The following ARHGDIB variants were observed in gnomAD, a reference collection of about 807,000 sequenced individuals.
The protein encoded by ARHGDIB is Rho GDP dissociation inhibitor beta.
In ARHGDIB, 20 loss-of-function variants were observed where a neutral mutation model predicts 22.6. That is an observed-to-expected ratio of 0.88 (90% confidence interval 0.62 to 1.28). The LOEUF (loss-of-function observed/expected upper bound fraction) is 1.28, where lower values mean the gene tolerates loss of function less well. Among genes scored for constraint, ARHGDIB ranks in the 50% most tolerant of loss-of-function variants. The pLI is 0.00. For missense variants in ARHGDIB, 254 were observed against 245.4 expected, an observed-to-expected ratio of 1.04 and a Z score of -0.23; for synonymous variants, 114 against 96.1, an observed-to-expected ratio of 1.19 and a Z score of -1.09.
At chr12:14,958,021 A>G (rs920909424) in intron 1 of ARHGDIB, among the ~76,000 whole-genome samples, 1 of 152,174 alleles carries the variant, frequency 6.6e-6, no homozygotes, top group Non-Finnish European at 1.5e-5. Context: ...GCTGACTAGG[A>G]TATGTCTGAC....
chr12:14,953,282 G>C (rs1864223569), intron 1 of ARHGDIB, among the ~76,000 whole-genome samples: 1 of 152,170 alleles, frequency 6.6e-6, no homozygotes, highest in Non-Finnish European at 1.5e-5. Flanking sequence ...TTTAATTATA[G>C]CATAAGAAAA....
rs112311437 is a variant in ARHGDIB at position 14,944,866 on chromosome 12, T to C, written c.343-27A>G. ...TGCAGGTGGGAAGGAACCAAGATGT[T>C]CAGATTAAGAGGGTCTTTCATTTTT... On this transcript the variant is annotated intron_variant, in intron 4 of 5. Transcript: ENST00000228945. The C allele has an allele frequency of 1.6e-3, 2,605 of 1,606,374 alleles. 46 individuals carry two copies. In the African/African-American group the frequency reaches 0.03, roughly 19 times the overall value.
intron 3 of ARHGDIB, among the ~76,000 whole-genome samples, chr12:14,949,138 C>T (rs1416507312): frequency 6.6e-6 from 1 of 152,082 alleles, no homozygotes; most frequent in African/African-American, 2.4e-5. Flanking sequence ...AGGCCCCAAT[C>T]TCCTGGCTCC....
In ARHGDIB at chr12:14,942,340, C is replaced by T. The variant is rs981968524; in HGVS notation, c.*182G>A. On this transcript the variant is annotated 3_prime_UTR_variant, in exon 6 of 6. Coordinates refer to ENST00000228945, the MANE Select transcript of ARHGDIB (RefSeq NM_001175.7). ...AGAGGGAGCAGGTTGGGTGAAAGCC[C>T]GGTTTTAAGCCTCTTGTTCTAGGGA... 5.9e-5 allele frequency: 39 copies of T among 663,758 alleles called. No individual in the cohort carries two copies. The highest frequency in any genetic ancestry group is 5.7e-5 in the South Asian group (3 of 52,266). 41.1% of individuals were successfully genotyped at this position (663,758 alleles called of 1,614,324 possible).
At chr12:14,947,076 A>G (rs1398183216) in intron 4 of ARHGDIB, among the ~76,000 whole-genome samples, 5 of 152,206 alleles carry the variant, frequency 3.3e-5, no homozygotes, top group Non-Finnish European at 7.4e-5. Context: ...GCAAATAGAG[A>G]GAGCAGATGG....
intron 5 of ARHGDIB, among the ~76,000 whole-genome samples, 153 bp downstream of exon 5, chr12:14,944,623 A>G (rs1430207778): frequency 6.6e-6 from 1 of 152,232 alleles, no homozygotes; most frequent in African/African-American, 2.4e-5. Flanking sequence ...CAATGTCTAT[A>G]TCAGAGGTGT....
At chr12:14,953,879 C>T (rs1468466691) in intron 1 of ARHGDIB, among the ~76,000 whole-genome samples, 1 of 151,122 alleles carries the variant, frequency 6.6e-6, no homozygotes, top group Non-Finnish European at 1.5e-5. Context: ...CCCTTTCTTT[C>T]TTTGTCTCTC....
At chr12:14,959,651 C>A (rs759154133) in intron 1 of ARHGDIB, among the ~76,000 whole-genome samples, 2 of 152,082 alleles carry the variant, frequency 1.3e-5, no homozygotes, top group Non-Finnish European at 2.9e-5. Context: ...CGTATCTTTC[C>A]CTCAGAATGA....
intron 3 of ARHGDIB, 152 bp from the exon 4 acceptor site, chr12:14,948,101 CACACACACA>C: frequency 1.1e-5 from 2 of 174,470 alleles, no homozygotes; most frequent in East Asian, 1.6e-4. Context: ...TTAGTCCTTG[CACACACACA>C]CACACACACA....
In ARHGDIB at chr12:14,942,156, G is replaced by A. The variant is rs754864566; in HGVS notation, c.*366C>T. 3.7e-5 allele frequency: 9 copies of A among 240,740 alleles called. No individual in the cohort carries two copies. Among genetic ancestry groups the A allele is most frequent in the Non-Finnish European group, 6.7e-5 (8 of 119,720 alleles). 14.9% of individuals were successfully genotyped at this position (240,740 alleles called of 1,614,324 possible). A position where few individuals can be genotyped will look rare whatever the true frequency, so the allele number is the denominator to read the frequency against. On this transcript the variant is annotated 3_prime_UTR_variant, in exon 6 of 6. Coordinates refer to ENST00000228945, the MANE Select transcript of ARHGDIB (RefSeq NM_001175.7). ...CCAGCAACAACCACAAAAGAATCTA[G>A]GCATTAGAATGAACTACTGGAACCT... is the stretch of plus-strand genomic sequence containing the variant.
At chr12:14,959,173 C>T (rs1367576159) in intron 1 of ARHGDIB, among the ~76,000 whole-genome samples, 2 of 152,152 alleles carry the variant, frequency 1.3e-5, no homozygotes, top group Non-Finnish European at 2.9e-5. Context: ...AATCCCAGGA[C>T]TTTGGGAGGC....
intron 3 of ARHGDIB, 150 bp from the exon 4 acceptor site, chr12:14,948,099 T>TTCAC: frequency 3.2e-5 from 10 of 309,758 alleles, no homozygotes; most frequent in East Asian, 4.8e-5. Context: ...GTTTAGTCCT[T>TTCAC]GCACACACAC....
chr12:14,959,147 G>A (rs949228077), intron 1 of ARHGDIB, among the ~76,000 whole-genome samples: 1 of 152,164 alleles, frequency 6.6e-6, no homozygotes, highest in Non-Finnish European at 1.5e-5. Context: ...GGCCATGCAT[G>A]GTGGCTCACG....
chr12:14,949,141 C>T (rs1864104122), intron 3 of ARHGDIB, among the ~76,000 whole-genome samples: 1 of 152,082 alleles, frequency 6.6e-6, no homozygotes, highest in Non-Finnish European at 1.5e-5. Context: ...CCCCAATCTC[C>T]TGGCTCCGTG....
At chr12:14,957,866 G>A (rs1214014669) in intron 1 of ARHGDIB, among the ~76,000 whole-genome samples, 3 of 151,984 alleles carry the variant, frequency 2.0e-5, no homozygotes, top group Non-Finnish European at 2.9e-5. Flanking sequence ...AGAGAAAGAG[G>A]AGAGAGAGAG....
chr12:14,953,814 G>A (rs1162894881), intron 1 of ARHGDIB, among the ~76,000 whole-genome samples: 1 of 149,436 alleles, frequency 6.7e-6, no homozygotes, highest in Non-Finnish European at 1.5e-5. Flanking sequence ...TTTTGCTTTT[G>A]CTTGCTCTCT....
Position 14,955,859 on chromosome 12 carries a change from A to G in ARHGDIB, c.-12-5135T>C, listed in dbSNP as rs955933665. ...GTTTTCCAATCCCATCATCTAAAGG[A>G]CAACTGATTTTCCTATTGATAATAT... On this transcript the variant is annotated intron_variant, in intron 1 of 5. Transcript: ENST00000228945. Among the ~76,000 whole-genome samples the G allele has an allele frequency of 2.0e-5, 3 of 152,226 alleles. No homozygotes were observed. In the East Asian group the frequency reaches 5.8e-4, roughly 29 times the overall value.
intron 5 of ARHGDIB, among the ~76,000 whole-genome samples, chr12:14,944,369 C>T (rs1007459537): frequency 1.4e-4 from 22 of 152,106 alleles, no homozygotes; most frequent in Non-Finnish European, 2.5e-4. Context: ...ACTCCCACCC[C>T]AGATACACAT....
At chr12:14,960,181 C>T (rs1468857421) in intron 1 of ARHGDIB, among the ~76,000 whole-genome samples, 5 of 152,154 alleles carry the variant, frequency 3.3e-5, no homozygotes, top group African/African-American at 1.2e-4. Flanking sequence ...GTCTGCCTTT[C>T]CCCACTCTGA....
Sources: gnomAD v4.1 joint callset for allele counts (sites outside exome capture counted in the v4.1 genomes callset) on GRCh38, gnomAD v4.1.1 for gene constraint, MANE v1.5 for transcripts, NCBI Gene and HGNC (gene_info 2026-07-23, HGNC 2026-07-21) for gene names.